The following ARHGEF28 variants were observed in gnomAD, a reference collection of about 807,000 sequenced individuals.
The protein encoded by ARHGEF28 is 190 kDa guanine nucleotide exchange factor.
ARHGEF28 carries 152 observed loss-of-function variants against 206.6 expected under a neutral mutation model. That is an observed-to-expected ratio of 0.74 (90% CI 0.64 to 0.84). ARHGEF28 has a LOEUF of 0.84. Among genes scored for constraint, ARHGEF28 ranks in the 40% least tolerant of loss-of-function variants. ARHGEF28 has a pLI of 0.00. For missense variants in ARHGEF28, 2,028 were observed against 2,073.2 expected (o/e 0.98, Z 0.42); for synonymous variants, 763 against 776.4 (o/e 0.98, Z 0.29).
chr5:73,834,542 C>CTCTGTG (rs1455818141), intron 10 of ARHGEF28, among the ~76,000 whole-genome samples: 1,642 of 146,312 alleles, frequency 0.011, 28 homozygotes, highest in African/African-American at 0.04. Flanking sequence ...AATAATATTC[C>CTCTGTG]TGTGTGTGTG....
chr5:73,743,096 C>A (rs1013771782), intron 2 of ARHGEF28, among the ~76,000 whole-genome samples: 3 of 152,132 alleles, frequency 2.0e-5, no homozygotes, highest in African/African-American at 7.2e-5. Flanking sequence ...TTCTTTCCTG[C>A]ATTTCCATGT....
chr5:73,650,667 CA>C (rs1280152046), intron 1 of ARHGEF28, among the ~76,000 whole-genome samples: 1 of 151,356 alleles, frequency 6.6e-6, no homozygotes, highest in Middle Eastern at 3.2e-3. Context: ...GACAATGTCT[CA>C]CCCTATCACC....
Position 73,901,255 on chromosome 5 carries a change from G to T in ARHGEF28, c.4045G>T (p.Asp1349Tyr). 2 of 1,613,222 alleles carry T rather than the reference G, an allele frequency of 1.2e-6. No homozygotes were observed. The highest frequency in any genetic ancestry group is 2.2e-5 in the South Asian group (2 of 90,862). Reference protein sequence around the residue: ...VDPGIQGVVTDLAVSDAGEKV... With the variant: ...VDPGIQGVVTYLAVSDAGEKV... ...TCCCGGGATCCAGGGTGTGGTAACCGACTTGGCCGTCTCTGATGCAGGGGA... is the reference window on the plus strand; with the variant it reads ...TCCCGGGATCCAGGGTGTGGTAACCTACTTGGCCGTCTCTGATGCAGGGGA... Residue 1349 changes from aspartate to tyrosine, a missense_variant, in exon 31 of 36, where the codon GAC becomes TAC. Transcript: ENST00000513042.
intron 6 of ARHGEF28, among the ~76,000 whole-genome samples, chr5:73,779,509 G>A (rs1753715278): frequency 6.6e-6 from 1 of 152,120 alleles, no homozygotes; most frequent in Non-Finnish European, 1.5e-5. Context: ...TTGCCTTGAT[G>A]TTCTTTTCTC....
At chr5:73,639,099 T>C (rs149159656) in intron 1 of ARHGEF28, among the ~76,000 whole-genome samples, 1 of 151,508 alleles carries the variant, frequency 6.6e-6, no homozygotes, top group East Asian at 2.0e-4. Flanking sequence ...AAGATCTTCA[T>C]GGCCCTAGCA....
At chr5:73,818,773 T>C (rs1313524516) in intron 9 of ARHGEF28, among the ~76,000 whole-genome samples, 1 of 152,222 alleles carries the variant, frequency 6.6e-6, no homozygotes, top group East Asian at 1.9e-4. Flanking sequence ...AGTAAATTTT[T>C]CTTTATTTTT....
chr5:73,911,909 C>G (rs72774407), intron 35 of ARHGEF28, among the ~76,000 whole-genome samples: 7,575 of 152,132 alleles, frequency 0.05, 224 homozygotes, highest in African/African-American at 0.078. Flanking sequence ...ATTGTGGACC[C>G]CACTACATCC....
intron 35 of ARHGEF28, among the ~76,000 whole-genome samples, chr5:73,936,262 A>C (rs1471870547): frequency 1.3e-5 from 2 of 152,186 alleles, no homozygotes; most frequent in Non-Finnish European, 2.9e-5. Flanking sequence ...GATTATGGAC[A>C]ATGTCTTCTG....
chr5:73,925,452 C>T (rs952468238), intron 35 of ARHGEF28, among the ~76,000 whole-genome samples: 9 of 152,196 alleles, frequency 5.9e-5, no homozygotes, highest in Non-Finnish European at 8.8e-5. Context: ...CCACGTGCTT[C>T]CACAGTATTT....
At chr5:73,807,076 G>A (rs1337487258) in intron 9 of ARHGEF28, among the ~76,000 whole-genome samples, 1 of 144,278 alleles carries the variant, frequency 6.9e-6, no homozygotes, top group Admixed American at 7.0e-5. Flanking sequence ...AAATTGGAAT[G>A]TAACATTATC....
In ARHGEF28 at chr5:73,795,353, A is replaced by C; in HGVS notation, c.986A>C (p.Gln329Pro). 1 of 1,613,930 alleles carries C rather than the reference A, an allele frequency of 6.2e-7. No individual in the cohort carries two copies. The highest frequency in any genetic ancestry group is 8.5e-7 in the Non-Finnish European group (1 of 1,179,832). ...CAGCGTGTCAAAAGCCTGGTGGTTC[A>C]ACACAATGAACATGAAGACCAGCAC... ...DIKRVKSLVV[Q>P]HNEHEDQHSL... Residue 329 changes from glutamine (Q) to proline (P), a missense_variant, in exon 9 of 36, where the codon CAA (glutamine) becomes CCA (proline). Transcript: ENST00000513042.
Position 73,901,175 on chromosome 5 carries a change from T to G in ARHGEF28, c.3974-9T>G, listed in dbSNP as rs1561497875. The G allele has an allele frequency of 6.2e-7, 1 of 1,611,554 alleles. No individual in the cohort carries two copies. On this transcript the variant is annotated splice_polypyrimidine_tract_variant and intron_variant, in intron 30 of 35. Coordinates refer to ENST00000513042, the MANE Select transcript of ARHGEF28 (RefSeq NM_001177693.2). Reference sequence around the variant, plus strand: ...CCTTTTTGTTTCTGTCTCGATGGCGTGCTTCCAGCATTAGTCACAGGAGGG... The same window carrying G: ...CCTTTTTGTTTCTGTCTCGATGGCGGGCTTCCAGCATTAGTCACAGGAGGG...
intron 1 of ARHGEF28, among the ~76,000 whole-genome samples, chr5:73,679,146 A>T (rs1051580936): frequency 6.6e-6 from 1 of 152,252 alleles, no homozygotes; most frequent in Admixed American, 6.5e-5. Flanking sequence ...AAGATTAAAT[A>T]AAAAAAGTTA....
intron 17 of ARHGEF28, among the ~76,000 whole-genome samples, 172 bp from the exon 18 acceptor site, chr5:73,865,791 ATT>A (rs903673911): frequency 5.9e-5 from 9 of 152,110 alleles, no homozygotes; most frequent in Non-Finnish European, 8.8e-5. Context: ...TGCACATTTT[ATT>A]GTCACATTTG....
At chr5:73,633,052 G>A (rs563764929) in intron 1 of ARHGEF28, among the ~76,000 whole-genome samples, 7 of 151,916 alleles carry the variant, frequency 4.6e-5, no homozygotes, top group African/African-American at 1.7e-4. Context: ...AGGCATTAGA[G>A]TCTCATAAGA....
chr5:73,758,114 G>A (rs955184656), intron 4 of ARHGEF28, among the ~76,000 whole-genome samples: 3 of 152,160 alleles, frequency 2.0e-5, no homozygotes, highest in African/African-American at 4.8e-5. Flanking sequence ...GCCAACACCA[G>A]TGAGGGGCTG....
chr5:73,776,110 T>A (rs1002482147), intron 5 of ARHGEF28, among the ~76,000 whole-genome samples: 1 of 152,236 alleles, frequency 6.6e-6, no homozygotes, highest in Non-Finnish European at 1.5e-5. Context: ...AGATCATATC[T>A]GTTTTCCACA....
intron 2 of ARHGEF28, among the ~76,000 whole-genome samples, chr5:73,744,468 T>A (rs1212155932): frequency 6.6e-6 from 1 of 151,294 alleles, no homozygotes; most frequent in Non-Finnish European, 1.5e-5. Context: ...CCATGCATGC[T>A]TTTTTTTTCT....
intron 1 of ARHGEF28, among the ~76,000 whole-genome samples, chr5:73,653,251 G>A (rs923711475): frequency 3.3e-5 from 5 of 152,172 alleles, no homozygotes; most frequent in Non-Finnish European, 5.9e-5. Context: ...TTTGCTCAGC[G>A]ATGTGAGGGG....
Sources: gnomAD v4.1 joint callset for allele counts (sites outside exome capture counted in the v4.1 genomes callset) on GRCh38, gnomAD v4.1.1 for gene constraint, MANE v1.5 for transcripts, NCBI Gene and HGNC (gene_info 2026-07-23, HGNC 2026-07-21) for gene names.